Variants in DNAH9 observed in about 807,000 individuals in gnomAD.
DNAH9 encodes the protein dynein axonemal heavy chain 9, also known as DNAH9 variant protein.
A neutral mutation model predicts 471.6 loss-of-function variants in DNAH9; 345 were observed. That is an observed-to-expected ratio of 0.73 (90% CI 0.67 to 0.80). DNAH9 has a LOEUF of 0.80. Among genes scored for constraint, DNAH9 ranks in the 30% least tolerant of loss-of-function variants. The probability of loss-of-function intolerance (pLI) is 0.00; values close to 1 mark genes in which losing one functional copy is unlikely to be tolerated. For synonymous variants in DNAH9, 2,093 were observed against 2,123.6 expected (o/e 0.99, Z 0.40); for missense variants, 5,407 against 5,609.2 (o/e 0.96, Z 1.15).
intron 12 of DNAH9, among the ~76,000 whole-genome samples, chr17:11,648,706 A>G (rs2073441693): frequency 6.6e-6 from 1 of 152,148 alleles, no homozygotes; most frequent in African/African-American, 2.4e-5. Context: ...GGGGGTAGGG[A>G]TAAATATTAA....
At position 11,629,570 on chromosome 17, in the gene DNAH9, T is replaced by A. The variant is rs756397601; in HGVS notation, c.1504T>A (p.Tyr502Asn). The change falls in exon 7 of 69, where the codon TAC (tyrosine) becomes AAC (asparagine). Residue 502 changes from tyrosine (Y) to asparagine (N), a missense_variant. Coordinates refer to ENST00000262442, the MANE Select transcript of DNAH9 (RefSeq NM_001372.4). ...CTCAGGATCCTCCTCCGACTGCCTG[T>A]ACCTCCAAAGCACGGTAGGGTTGGG... Reference protein sequence around the residue: ...LLSGSSSDCLYLQSTDFENDV... With the variant: ...LLSGSSSDCLNLQSTDFENDV... The A allele has an allele frequency of 3.7e-6, 6 of 1,613,638 alleles. No homozygotes were observed. Among genetic ancestry groups the A allele is most frequent in the Non-Finnish European group, 5.1e-6 (6 of 1,179,900 alleles).
At chr17:11,894,022 T>C (rs1973145827) in intron 58 of DNAH9, among the ~76,000 whole-genome samples, 1 of 152,240 alleles carries the variant, frequency 6.6e-6, no homozygotes, top group Admixed American at 6.5e-5. Flanking sequence ...CCATACGTCA[T>C]TTTGACATTC....
rs752605482 is a variant in DNAH9, at chr17:11,894,426, G to A, written c.11336G>A (p.Arg3779Gln). ...GCAGTGGAGTTGGATTTCCTGCTTCGATCTCCAGTGCAGACGGGCACCGCC... is the reference window on the plus strand; with the variant it reads ...GCAGTGGAGTTGGATTTCCTGCTTCAATCTCCAGTGCAGACGGGCACCGCC... ...VNAVELDFLL[R>Q]SPVQTGTASP... The change falls in exon 59 of 69, where the codon CGA (arginine) becomes CAA (glutamine). Residue 3779 changes from arginine to glutamine, a missense_variant. Transcript: ENST00000262442. 1.2e-5 allele frequency: 19 copies of A among 1,613,886 alleles called. No individual in the cohort carries two copies. The highest frequency in any genetic ancestry group is 8.8e-5 in the South Asian group (8 of 91,074).
Position 11,694,230 on chromosome 17 carries a change from G to T in DNAH9, c.4746-91G>T. The T allele has an allele frequency of 2.8e-6, 4 of 1,411,582 alleles. No homozygotes were observed. In the South Asian group the frequency reaches 5.0e-5, roughly 18 times the overall value. 87.4% of individuals were successfully genotyped at this position (1,411,582 alleles called of 1,614,324 possible). On this transcript the variant is annotated intron_variant, in intron 21 of 68. Coordinates refer to ENST00000262442, the MANE Select transcript of DNAH9 (RefSeq NM_001372.4). The stretch of plus-strand genomic sequence containing the variant: ...TTTCTTGTGCTAATGCATATGTTCC[G>T]TCTATTGCATATACATACATTTAAG...
chr17:11,711,902 ATAT>A (rs1482953113), intron 26 of DNAH9, among the ~76,000 whole-genome samples: 3 of 9,162 alleles, frequency 3.3e-4, no homozygotes, highest in African/African-American at 6.6e-4. Flanking sequence ...ATAAATATAT[ATAT>A]TTGTATATAT....
intron 61 of DNAH9, among the ~76,000 whole-genome samples, chr17:11,912,125 C>T (rs1338936303): frequency 1.3e-5 from 2 of 152,180 alleles, no homozygotes; most frequent in Admixed American, 1.3e-4. Context: ...TCAAGCAATT[C>T]TCCTGCCTCA....
chr17:11,945,968 G>T (rs9909631), intron 67 of DNAH9, among the ~76,000 whole-genome samples: 1 of 152,058 alleles, frequency 6.6e-6, no homozygotes, highest in Non-Finnish European at 1.5e-5. Flanking sequence ...GGAGGCCGAG[G>T]TGGGCGGATC....
intron 26 of DNAH9, among the ~76,000 whole-genome samples, chr17:11,708,461 T>G (rs2074768960): frequency 6.6e-6 from 1 of 152,086 alleles, no homozygotes; most frequent in Admixed American, 6.6e-5. Context: ...AAATAGCACC[T>G]CTGCAGAGGG....
At chr17:11,651,389 G>A in intron 13 of DNAH9, 65 bp downstream of exon 13, 1 of 1,493,870 alleles carries the variant, frequency 6.7e-7, no homozygotes, top group Non-Finnish European at 9.0e-7. Context: ...AAAGTTCATA[G>A]AACCTCCAAT....
chr17:11,733,774 CGGT>C (rs2075303543), intron 28 of DNAH9, among the ~76,000 whole-genome samples: 1 of 144,918 alleles, frequency 6.9e-6, no homozygotes. Flanking sequence ...AGGGGAATGG[CGGT>C]GTGAACCCGG....
intron 26 of DNAH9, among the ~76,000 whole-genome samples, chr17:11,718,195 C>T (rs142636035): frequency 1.7e-4 from 26 of 152,320 alleles, no homozygotes; most frequent in African/African-American, 5.8e-4. Context: ...TACAAACTCC[C>T]GTATCTGGCT....
intron 30 of DNAH9, 28 bp downstream of exon 30, chr17:11,742,341 C>G (rs149379474): frequency 1.9e-6 from 3 of 1,609,424 alleles, no homozygotes; most frequent in African/African-American, 2.7e-5. Flanking sequence ...GCTGTACAAC[C>G]AAGCACCGTG....
chr17:11,845,059 G>T (rs936508782), intron 49 of DNAH9, among the ~76,000 whole-genome samples: 9 of 151,050 alleles, frequency 6.0e-5, no homozygotes, highest in Admixed American at 5.3e-4. Context: ...CAATGTGCAG[G>T]TTAGTTACAT....
intron 7 of DNAH9, 35 bp downstream of exon 7, chr17:11,629,619 C>T: frequency 6.3e-7 from 1 of 1,598,616 alleles, no homozygotes. Flanking sequence ...CCAGCTCTGC[C>T]TCTGTCCCGG....
In DNAH9 at chr17:11,763,528, C is replaced by A; in HGVS notation, c.7084C>A (p.Pro2362Thr). The A allele has an allele frequency of 6.2e-7, 1 of 1,614,050 alleles. No individual in the cohort carries two copies. The highest frequency in any genetic ancestry group is 8.5e-7 in the Non-Finnish European group (1 of 1,179,964). Residue 2362 changes from proline (P) to threonine (T), a missense_variant, in exon 36 of 69, where the codon CCT becomes ACT. Transcript: ENST00000262442. Reference protein sequence around the residue: ...LECLLTTEDIPADCPKEIYEH... With the variant: ...LECLLTTEDITADCPKEIYEH... Reference sequence around the variant, plus strand: ...ATGTCTCCTGACCACGGAGGACATCCCTGCAGACTGCCCTAAGGAAATTTA... The same window carrying A: ...ATGTCTCCTGACCACGGAGGACATCACTGCAGACTGCCCTAAGGAAATTTA...
At chr17:11,762,937 G>A (rs145883414) in intron 35 of DNAH9, among the ~76,000 whole-genome samples, 3,480 of 151,726 alleles carry the variant, frequency 0.023, 79 homozygotes, top group Non-Finnish European at 0.035. Context: ...CCGCCACCGT[G>A]CCCGGCTAAT....
At chr17:11,681,121 A>T (rs1463606571) in intron 19 of DNAH9, among the ~76,000 whole-genome samples, 1 of 152,184 alleles carries the variant, frequency 6.6e-6, no homozygotes, top group Non-Finnish European at 1.5e-5. Flanking sequence ...AAAGATGCAT[A>T]TATATCTAGA....
At chr17:11,765,600 G>C (rs1332326064) in intron 36 of DNAH9, among the ~76,000 whole-genome samples, 1 of 152,202 alleles carries the variant, frequency 6.6e-6, no homozygotes, top group Non-Finnish European at 1.5e-5. Flanking sequence ...CCCAGAGACA[G>C]ATGCCCTGGA....
At chr17:11,791,539 G>A (rs1969062395) in intron 41 of DNAH9, among the ~76,000 whole-genome samples, 1 of 151,878 alleles carries the variant, frequency 6.6e-6, no homozygotes, top group African/African-American at 2.4e-5. Context: ...GGCGAAACCT[G>A]GTCTCTACTG....
Sources: allele counts gnomAD v4.1 joint callset (sites outside exome capture counted in the v4.1 genomes callset), GRCh38; gene constraint gnomAD v4.1.1; transcripts MANE v1.5; gene names NCBI Gene and HGNC (gene_info 2026-07-23, HGNC 2026-07-21).